The following GPC6 variants were observed in gnomAD, a reference collection of about 807,000 sequenced individuals.
The protein encoded by GPC6 is glypican-6.
GPC6 carries 14 observed loss-of-function variants against 55.2 expected under a neutral mutation model. The ratio of observed to expected loss-of-function variants is 0.25; its 90% CI spans 0.17 to 0.40. GPC6 has a LOEUF of 0.40. GPC6 is among the 10% of genes least tolerant of loss of function. The pLI, the probability that GPC6 is intolerant of heterozygous loss-of-function variation, is 1.00. For synonymous variants in GPC6, 278 were observed against 259.6 expected (o/e 1.07, Z -0.68); for missense variants, 641 against 708.5 (o/e 0.90, Z 1.08).
Position 94,224,638 on chromosome 13 carries a change from G to A in GPC6, c.878-61711G>A, listed in dbSNP as rs118013598. Among the ~76,000 whole-genome samples, 461 of 152,226 alleles carry A rather than the reference G, an allele frequency of 3.0e-3. 2 individuals carry two copies. Among genetic ancestry groups the A allele is most frequent in the Non-Finnish European group, 4.6e-3 (312 of 68,010 alleles). ...ATTGCCCTTGTTTGATGATAGGAAT[G>A]AGCAGAAACATTGTCCTGGTGGAGA... On this transcript the variant is annotated intron_variant, in intron 4 of 8. Transcript: ENST00000377047.
chr13:93,752,790 G>C (rs1884642409), intron 2 of GPC6, among the ~76,000 whole-genome samples: 1 of 152,122 alleles, frequency 6.6e-6, no homozygotes, highest in African/African-American at 2.4e-5. Context: ...GTCTTTTATT[G>C]GGAGACAATT....
Position 94,004,708 on chromosome 13 carries a change from G to A in GPC6, c.712-23021G>A, listed in dbSNP as rs564240465. 6.6e-5 allele frequency among the ~76,000 whole-genome samples: 10 copies of A among 152,200 alleles called. No individual in the cohort carries two copies. The East Asian group carries it at 1.9e-3, about 29-fold the overall frequency. ...ATGCCACAGTGTAAAATGCCAGGAAGGTTAAAATCAGACTTAAGATTTGTT... is the reference window on the plus strand; with the variant it reads ...ATGCCACAGTGTAAAATGCCAGGAAAGTTAAAATCAGACTTAAGATTTGTT... On this transcript the variant is annotated intron_variant, in intron 3 of 8. Coordinates refer to ENST00000377047, the MANE Select transcript of GPC6 (RefSeq NM_005708.5).
intron 1 of GPC6, among the ~76,000 whole-genome samples, chr13:93,298,624 T>C (rs1878572334): frequency 6.6e-6 from 1 of 151,998 alleles, no homozygotes; most frequent in Non-Finnish European, 1.5e-5. Context: ...TCTTTTTTTT[T>C]TTTATAGGGA....
intron 6 of GPC6, among the ~76,000 whole-genome samples, chr13:94,358,089 A>G (rs1034447975): frequency 3.3e-5 from 5 of 152,162 alleles, no homozygotes; most frequent in Non-Finnish European, 5.9e-5. Flanking sequence ...CAGGAGTTCG[A>G]GACCAGCCTG....
At chr13:93,258,490 T>A (rs1877030289) in intron 1 of GPC6, among the ~76,000 whole-genome samples, 4 of 152,150 alleles carry the variant, frequency 2.6e-5, no homozygotes, top group Admixed American at 1.3e-4. Context: ...GCTTCACTTG[T>A]TCCTACTTGT....
chr13:93,585,209 A>T (rs559125312), intron 2 of GPC6, among the ~76,000 whole-genome samples: 2 of 152,308 alleles, frequency 1.3e-5, no homozygotes, highest in South Asian at 4.1e-4. Context: ...CAAATCACGA[A>T]CAGAAATTGA....
chr13:93,812,956 A>G (rs1355713780), intron 2 of GPC6, among the ~76,000 whole-genome samples: 2 of 152,200 alleles, frequency 1.3e-5, no homozygotes, highest in Non-Finnish European at 2.9e-5. Context: ...CTAATTGTCA[A>G]TAATGCATCA....
At chr13:93,866,427 A>T (rs1888966252) in intron 3 of GPC6, among the ~76,000 whole-genome samples, 1 of 151,852 alleles carries the variant, frequency 6.6e-6, no homozygotes, top group East Asian at 2.0e-4. Flanking sequence ...GCGTATGTTC[A>T]CCACAACGCC....
At chr13:93,339,656 T>C (rs183486568) in intron 1 of GPC6, among the ~76,000 whole-genome samples, 1 of 152,344 alleles carries the variant, frequency 6.6e-6, no homozygotes, top group East Asian at 1.9e-4. Context: ...TTTTGCATAA[T>C]GTTCAATAAA....
chr13:94,099,178 T>A (rs1035298537), intron 4 of GPC6, among the ~76,000 whole-genome samples: 3 of 152,194 alleles, frequency 2.0e-5, no homozygotes, highest in African/African-American at 7.2e-5. Context: ...TCATCTTAAA[T>A]GTCTTATGGA....
At chr13:93,382,577 G>A (rs1281242309) in intron 1 of GPC6, among the ~76,000 whole-genome samples, 1 of 152,034 alleles carries the variant, frequency 6.6e-6, no homozygotes, top group Admixed American at 6.6e-5. Context: ...ATAGTGCTAA[G>A]GAAAAGGAAA....
chr13:94,320,010 G>T (rs1453863523), intron 6 of GPC6, among the ~76,000 whole-genome samples: 1 of 152,150 alleles, frequency 6.6e-6, no homozygotes, highest in South Asian at 2.1e-4. Flanking sequence ...GACTGGACAT[G>T]TGAGACTGTC....
At chr13:93,538,606 G>C (rs1882158575) in intron 1 of GPC6, among the ~76,000 whole-genome samples, 1 of 152,162 alleles carries the variant, frequency 6.6e-6, no homozygotes, top group South Asian at 2.1e-4. Context: ...TATTCAAATA[G>C]TCACGCAAAG....
intron 1 of GPC6, among the ~76,000 whole-genome samples, chr13:93,471,688 TTA>T (rs1252506359): frequency 6.1e-5 from 8 of 131,788 alleles, no homozygotes; most frequent in Admixed American, 2.3e-4. Context: ...AATGGGAATT[TTA>T]TGTTTTTTTT....
At chr13:93,816,274 A>G (rs1459483821) in intron 2 of GPC6, among the ~76,000 whole-genome samples, 1 of 152,194 alleles carries the variant, frequency 6.6e-6, no homozygotes, top group African/African-American at 2.4e-5. Context: ...ATTCATTACA[A>G]TACCAAAACT....
intron 2 of GPC6, among the ~76,000 whole-genome samples, chr13:93,779,584 G>T (rs1239699176): frequency 1.3e-5 from 2 of 152,102 alleles, no homozygotes; most frequent in Non-Finnish European, 2.9e-5. Context: ...CATGTGATCC[G>T]GGTTCTGTGA....
At chr13:94,382,699 A>G (rs1408220464) in intron 7 of GPC6, 149 bp downstream of exon 7, 1 of 1,070,646 alleles carries the variant, frequency 9.3e-7, no homozygotes, top group African/African-American at 1.6e-5. Flanking sequence ...GTTGAGAGTG[A>G]CAGGTTTGAT....
At chr13:94,079,216 C>T (rs1365615128) in intron 4 of GPC6, among the ~76,000 whole-genome samples, 12 of 151,920 alleles carry the variant, frequency 7.9e-5, no homozygotes, top group African/African-American at 2.7e-4. Context: ...TTATATTTCA[C>T]GGATCCTGGA....
chr13:94,289,546 T>A (rs904256475), intron 5 of GPC6, among the ~76,000 whole-genome samples: 3 of 152,196 alleles, frequency 2.0e-5, no homozygotes, highest in African/African-American at 7.2e-5. Context: ...GTGTAACAAG[T>A]CAGGGTAACT....
Sources: allele counts gnomAD v4.1 joint callset (sites outside exome capture counted in the v4.1 genomes callset), GRCh38; gene constraint gnomAD v4.1.1; transcripts MANE v1.5; gene names NCBI Gene and HGNC (gene_info 2026-07-23, HGNC 2026-07-21).